The following CTNNA1 variants were observed in gnomAD, a reference collection of about 807,000 sequenced individuals.
The protein encoded by CTNNA1 is catenin alpha 1, also known as catenin alpha-1.
A neutral mutation model predicts 98.4 loss-of-function variants in CTNNA1; 37 were observed. The ratio of observed to expected loss-of-function variants is 0.38; its 90% CI spans 0.29 to 0.49. CTNNA1 has a LOEUF of 0.49. Ranked by LOEUF, CTNNA1 falls within the 20% of genes least tolerant of loss-of-function variation. The pLI is 0.95. For missense variants in CTNNA1, 761 were observed against 1,147.2 expected, an observed-to-expected ratio of 0.66 and a Z score of 4.86; for synonymous variants, 404 against 413.2, an observed-to-expected ratio of 0.98 and a Z score of 0.27.
At chr5:138,864,791 A>T (rs566425640) in intron 7 of CTNNA1, among the ~76,000 whole-genome samples, 2 of 69,296 alleles carry the variant, frequency 2.9e-5, no homozygotes, top group Admixed American at 3.4e-4. Context: ...GTAGTGGAAG[A>T]TGTGTTTTTT....
intron 7 of CTNNA1, among the ~76,000 whole-genome samples, chr5:138,833,375 G>A (rs1207498000): frequency 6.6e-6 from 1 of 152,184 alleles, no homozygotes; most frequent in Non-Finnish European, 1.5e-5. Flanking sequence ...CACTTGAAAT[G>A]TGACAAGTCT....
intron 9 of CTNNA1, 129 bp from the exon 10 acceptor site, chr5:138,904,220 G>C: frequency 8.8e-7 from 1 of 1,134,670 alleles, no homozygotes. Flanking sequence ...TAATCAGGCT[G>C]TGAGAAGGGA....
chr5:138,817,913 G>A (rs529849329), intron 5 of CTNNA1, among the ~76,000 whole-genome samples: 31 of 151,812 alleles, frequency 2.0e-4, no homozygotes, highest in African/African-American at 6.5e-4. Flanking sequence ...ACAGACTTTC[G>A]CTGTCATCTG....
intron 7 of CTNNA1, among the ~76,000 whole-genome samples, chr5:138,882,808 A>G (rs1753215642): frequency 6.6e-6 from 1 of 152,218 alleles, no homozygotes; most frequent in Non-Finnish European, 1.5e-5. Flanking sequence ...TAATCTCAAA[A>G]GAAGTAGAAT....
In CTNNA1 at chr5:138,874,389, C is replaced by T. The variant is rs915718354; in HGVS notation, c.1063-11823C>T. 9.3e-6 allele frequency: 15 copies of T among 1,613,784 alleles called. No individual in the cohort carries two copies. The highest frequency in any genetic ancestry group is 3.3e-5 in the Admixed American group (2 of 59,988). On this transcript the variant is annotated intron_variant, in intron 7 of 17. Coordinates refer to ENST00000302763, the MANE Select transcript of CTNNA1 (RefSeq NM_001903.5). This position sits in a 1 kb window ranked among gnomAD's most constrained non-coding sequence, Gnocchi z 4.1. ...AGGCCCAGAGAGCCCTTGTCTGTGG[C>T]GTTTGGCACTGAGTGGAAGCCCTGA...
At chr5:138,847,117 A>G (rs1317430521) in intron 7 of CTNNA1, among the ~76,000 whole-genome samples, 1 of 152,198 alleles carries the variant, frequency 6.6e-6, no homozygotes, top group Non-Finnish European at 1.5e-5. Flanking sequence ...AAGGAATTGC[A>G]AAAAAAGATG....
intron 1 of CTNNA1, among the ~76,000 whole-genome samples, chr5:138,773,205 G>A (rs915207565): frequency 7.2e-5 from 11 of 152,118 alleles, no homozygotes; most frequent in African/African-American, 2.4e-4. Flanking sequence ...AGGACCCTGC[G>A]CTCATGAAAC....
At position 138,887,888 on chromosome 5, in the gene CTNNA1, C is replaced by T. The variant is rs28363447; in HGVS notation, c.1296+246C>T. 5.1e-3 allele frequency among the ~76,000 whole-genome samples: 782 copies of T among 152,208 alleles called. 10 individuals are homozygous for T. The highest frequency in any genetic ancestry group is 0.018 in the African/African-American group (735 of 41,512). On this transcript the variant is annotated intron_variant, in intron 9 of 17. Transcript: ENST00000302763. ...AGAAGCCTAACATCTCCACTTAATG[C>T]AAATAAAGATAAATCATGACATGAC...
rs191197625 is a variant in CTNNA1, at chr5:138,852,749, C to A, written c.1062+25031C>A. Among the ~76,000 whole-genome samples, 9 of 152,200 alleles carry A rather than the reference C, an allele frequency of 5.9e-5. No homozygotes were observed. In the East Asian group the frequency reaches 1.4e-3, roughly 23 times the overall value. ...CCCTTCTCCTCCCTCCTTCTACCCG[C>A]CTCTCTCCACATTCCACATCCTCTC... On this transcript the variant is annotated intron_variant, in intron 7 of 17. Coordinates refer to ENST00000302763, the MANE Select transcript of CTNNA1 (RefSeq NM_001903.5).
intron 1 of CTNNA1, among the ~76,000 whole-genome samples, chr5:138,781,117 A>G (rs955538912): frequency 2.6e-5 from 4 of 152,212 alleles, no homozygotes; most frequent in African/African-American, 7.2e-5. Flanking sequence ...ATTATGTTTT[A>G]ATAGAATAAG....
At position 138,933,986 on chromosome 5, in the gene CTNNA1, A is replaced by AGAAACAG. The variant is rs1580946185; in HGVS notation, c.2621_2627dup (p.Asp876GlufsTer4). 1 of 1,614,166 alleles carries AGAAACAG rather than the reference A, an allele frequency of 6.2e-7. No homozygotes were observed. Among genetic ancestry groups the AGAAACAG allele is most frequent in the Non-Finnish European group, 8.5e-7 (1 of 1,180,014 alleles). ...GAGAAAAAGCCATTGGTGAAGAGAGAGAAACAGGATGAGACACAGACCAAG... is the reference window on the plus strand; with the variant it reads ...GAGAAAAAGCCATTGGTGAAGAGAGAGAAACAGGAAACAGGATGAGACACAGACCAAG... On this transcript the variant is annotated frameshift_variant, in exon 18 of 18. Transcript: ENST00000302763. LOFTEE classifies it high-confidence loss of function.
intron 3 of CTNNA1, among the ~76,000 whole-genome samples, chr5:138,786,550 G>A (rs1247507588): frequency 6.6e-6 from 1 of 152,142 alleles, no homozygotes; most frequent in Admixed American, 6.6e-5. Context: ...ACAATGACTA[G>A]AATGTGGTAG....
At chr5:138,911,346 C>A (rs1489592458) in intron 10 of CTNNA1, among the ~76,000 whole-genome samples, 2 of 152,106 alleles carry the variant, frequency 1.3e-5, no homozygotes, top group African/African-American at 4.8e-5. Context: ...ATGTCAATTT[C>A]CTAATTCCCT....
At chr5:138,756,886 A>G (rs1751709582) in intron 1 of CTNNA1, among the ~76,000 whole-genome samples, 1 of 152,132 alleles carries the variant, frequency 6.6e-6, no homozygotes, top group Non-Finnish European at 1.5e-5. Context: ...TGTATTTTGG[A>G]GAAATGAGAC....
rs1760440516 is a variant in CTNNA1, at chr5:138,824,549, A to C, written c.608A>C (p.His203Pro). 6.2e-7 allele frequency: 1 copy of C among 1,614,092 alleles called. No homozygotes were observed. Among genetic ancestry groups the C allele is most frequent in the Non-Finnish European group, 8.5e-7 (1 of 1,179,924 alleles). Residue 203 changes from histidine (H) to proline (P), a missense_variant, in exon 6 of 18, where the codon CAT becomes CCT. His to Pro is a moderately conservative substitution (Grantham distance 77, BLOSUM62 -2). Around this residue, in one of 6 missense-constraint regions of CTNNA1, gnomAD observed 328 missense variants for 354.3 expected, o/e 0.93. Coordinates refer to ENST00000302763, the MANE Select transcript of CTNNA1 (RefSeq NM_001903.5). ...TTGTAGGAATTGAAAGATGTTGGCC[A>C]TCGTGATCAGATGGCTGCAGCTAGA... Reference protein sequence around the residue: ...KRQQELKDVGHRDQMAAARGI... With the variant: ...KRQQELKDVGPRDQMAAARGI...
chr5:138,924,879 A>G (rs1352815987), intron 12 of CTNNA1, among the ~76,000 whole-genome samples, 169 bp downstream of exon 12: 1 of 152,196 alleles, frequency 6.6e-6, no homozygotes, highest in Non-Finnish European at 1.5e-5. Context: ...CAGGCCTCAC[A>G]AGCATATTTT....
chr5:138,816,805 A>G (rs564334571), intron 5 of CTNNA1, among the ~76,000 whole-genome samples: 2 of 152,112 alleles, frequency 1.3e-5, no homozygotes, highest in East Asian at 1.9e-4. Flanking sequence ...AGTTCAAGCA[A>G]TTCCTGTCTC....
intron 1 of CTNNA1, chr5:138,762,188 T>G (rs189266627): frequency 6.6e-6 from 1 of 152,242 alleles, no homozygotes; most frequent in East Asian, 1.9e-4. Context: ...AGCAGCACTT[T>G]CTGAAACTTG....
At chr5:138,759,176 T>C (rs757269489) in intron 1 of CTNNA1, among the ~76,000 whole-genome samples, 7 of 152,216 alleles carry the variant, frequency 4.6e-5, no homozygotes, top group Non-Finnish European at 1.0e-4. Context: ...TTGTATGACC[T>C]GGGACTTTTT....
Sources: gnomAD v4.1 joint callset for allele counts (sites outside exome capture counted in the v4.1 genomes callset) on GRCh38, gnomAD v4.1.1 for gene constraint, gnomAD v4.1.1 regional missense constraint, Gnocchi (gnomAD v3.1) non-coding constraint, MANE v1.5 for transcripts, NCBI Gene and HGNC (gene_info 2026-07-23, HGNC 2026-07-21) for gene names.